CHST11: variants seen among roughly 807,000 people sequenced by gnomAD.
CHST11 encodes C4S-1.
CHST11 carries 9 observed loss-of-function variants against 30.4 expected under a neutral mutation model. The ratio of observed to expected loss-of-function variants is 0.30; its 90% CI spans 0.18 to 0.52. The LOEUF (loss-of-function observed/expected upper bound fraction) is 0.52. Among genes scored for constraint, CHST11 ranks in the 20% least tolerant of loss-of-function variants. The pLI is 0.97. For missense variants in CHST11, 348 were observed against 460.6 expected (o/e 0.76, Z 2.24); for synonymous variants, 152 against 187.8 (o/e 0.81, Z 1.56).
intron 1 of CHST11, among the ~76,000 whole-genome samples, chr12:104,548,191 G>A (rs1033109732): frequency 2.6e-5 from 4 of 152,234 alleles, no homozygotes; most frequent in African/African-American, 9.6e-5. Context: ...CTAATGCACG[G>A]TGGCACACAG....
intron 2 of CHST11, among the ~76,000 whole-genome samples, chr12:104,664,433 G>A (rs372001111): frequency 2.1e-4 from 32 of 152,316 alleles, no homozygotes; most frequent in African/African-American, 6.3e-4. Flanking sequence ...GTGTTCTAGA[G>A]AAGCACGGCT....
At chr12:104,679,832 C>A (rs1188906554) in intron 2 of CHST11, among the ~76,000 whole-genome samples, 4 of 152,222 alleles carry the variant, frequency 2.6e-5, no homozygotes, top group African/African-American at 9.6e-5. Context: ...TCATGGCAGG[C>A]TCCTCACAGC....
At chr12:104,638,716 T>C (rs2136073169) in intron 2 of CHST11, among the ~76,000 whole-genome samples, 1 of 152,344 alleles carries the variant, frequency 6.6e-6, no homozygotes, top group South Asian at 2.1e-4. Context: ...CTGTGTTGCT[T>C]TGGCTGAAAT....
At chr12:104,468,646 G>T (rs1463280440) in intron 1 of CHST11, among the ~76,000 whole-genome samples, 1 of 152,176 alleles carries the variant, frequency 6.6e-6, no homozygotes, top group Non-Finnish European at 1.5e-5. Flanking sequence ...TGCCACCAAT[G>T]CCCCTCCTTG....
chr12:104,538,239 G>C (rs1471401906), intron 1 of CHST11, among the ~76,000 whole-genome samples: 1 of 152,078 alleles, frequency 6.6e-6, no homozygotes, highest in African/African-American at 2.4e-5. Flanking sequence ...GAGGCATGTT[G>C]GTCAAGTGTT....
intron 1 of CHST11, among the ~76,000 whole-genome samples, chr12:104,594,390 T>G (rs2038888676): frequency 6.6e-6 from 1 of 152,186 alleles, no homozygotes; most frequent in South Asian, 2.1e-4. Flanking sequence ...CTGGGTATTT[T>G]TAAATCTCGG....
chr12:104,751,282 C>G (rs547244017), intron 2 of CHST11, among the ~76,000 whole-genome samples: 66 of 152,350 alleles, frequency 4.3e-4, no homozygotes, highest in African/African-American at 1.5e-3. Flanking sequence ...CCTTATTTCT[C>G]TGCTCATCTT....
chr12:104,609,704 T>G lies in CHST11; in HGVS notation c.204+7713T>G, dbSNP rs78093428. 4.9e-4 allele frequency among the ~76,000 whole-genome samples: 74 copies of G among 152,296 alleles called. 1 individual carries two copies. Among genetic ancestry groups the G allele is most frequent in the African/African-American group, 1.7e-3 (70 of 41,570 alleles). ...GCTTGATACCAGTCTTGCAGGTTTG[T>G]GAGATTCAGAATTCTGTATGAAAAG... On this transcript the variant is annotated intron_variant, in intron 2 of 2. Transcript: ENST00000303694.
At chr12:104,463,163 A>T (rs1431191105) in intron 1 of CHST11, among the ~76,000 whole-genome samples, 1 of 152,206 alleles carries the variant, frequency 6.6e-6, no homozygotes, top group African/African-American at 2.4e-5. Flanking sequence ...AAACCCACCA[A>T]AAGGACCTCT....
intron 1 of CHST11, among the ~76,000 whole-genome samples, chr12:104,459,487 G>T (rs2037387426): frequency 6.6e-6 from 1 of 152,168 alleles, no homozygotes; most frequent in South Asian, 2.1e-4. Context: ...TCAGCCTTCA[G>T]CAGGAATGCG....
At chr12:104,730,353 A>C (rs189759744) in intron 2 of CHST11, among the ~76,000 whole-genome samples, 1 of 152,364 alleles carries the variant, frequency 6.6e-6, no homozygotes, top group Non-Finnish European at 1.5e-5. Context: ...GATAATCCAC[A>C]CAAAACCTTT....
chr12:104,556,383 A>G (rs1047768817), intron 1 of CHST11, among the ~76,000 whole-genome samples: 1 of 152,132 alleles, frequency 6.6e-6, no homozygotes, highest in African/African-American at 2.4e-5. Context: ...TGGGTATATT[A>G]GGTTCCCAGG....
rs530711071 is a variant in CHST11, at chr12:104,748,596, G to T, written c.205-8353G>T. Among the ~76,000 whole-genome samples, 839 of 152,098 alleles carry T rather than the reference G, an allele frequency of 5.5e-3. 1 individual carries two copies. Among genetic ancestry groups the T allele is most frequent in the Middle Eastern group, 0.031 (9 of 294 alleles). On this transcript the variant is annotated intron_variant, in intron 2 of 2. Transcript: ENST00000303694. ...AAGAGACACCTGGGGAGTGGAGTCG[G>T]GGGAGAGATGGCCGTGTGAGAAGGC...
At chr12:104,553,297 G>A (rs1212530222) in intron 1 of CHST11, 1 of 152,190 alleles carries the variant, frequency 6.6e-6, no homozygotes, top group Non-Finnish European at 1.5e-5. Flanking sequence ...TTTTCAGGGA[G>A]GGCTTCACAT....
intron 2 of CHST11, among the ~76,000 whole-genome samples, chr12:104,716,678 C>A (rs959881020): frequency 3.9e-5 from 6 of 152,184 alleles, no homozygotes; most frequent in Non-Finnish European, 7.3e-5. Flanking sequence ...CATACGTGAT[C>A]GCTCCCAACG....
intron 1 of CHST11, among the ~76,000 whole-genome samples, chr12:104,575,579 T>C (rs2136027572): frequency 6.6e-6 from 1 of 152,270 alleles, no homozygotes; most frequent in African/African-American, 2.4e-5. Flanking sequence ...CAGGAACATC[T>C]GTCCGTTTGA....
At chr12:104,544,796 G>T in intron 1 of CHST11, among the ~76,000 whole-genome samples, 1 of 93,292 alleles carries the variant, frequency 1.1e-5, no homozygotes, top group Non-Finnish European at 2.2e-5. Context: ...TAATGGATTT[G>T]GTGCTTTCTT....
intron 1 of CHST11, among the ~76,000 whole-genome samples, chr12:104,533,909 G>A (rs1258321496): frequency 6.6e-6 from 1 of 152,170 alleles, no homozygotes; most frequent in Non-Finnish European, 1.5e-5. Flanking sequence ...CGTTGGATTG[G>A]GCCGAGGCTG....
intron 2 of CHST11, among the ~76,000 whole-genome samples, chr12:104,635,156 C>T (rs1306561684): frequency 6.6e-6 from 1 of 152,142 alleles, no homozygotes; most frequent in Non-Finnish European, 1.5e-5. Flanking sequence ...TAGGTGATGA[C>T]CAAGCTCCAA....
Sources: gnomAD v4.1 joint callset for allele counts (sites outside exome capture counted in the v4.1 genomes callset) on GRCh38, gnomAD v4.1.1 for gene constraint, MANE v1.5 for transcripts, NCBI Gene and HGNC (gene_info 2026-07-23, HGNC 2026-07-21) for gene names.